The following TMEM67 variants were observed in gnomAD, a reference collection of about 807,000 sequenced individuals.
TMEM67 encodes the protein meckelin.
In TMEM67, 124 loss-of-function variants were observed where a neutral mutation model predicts 136.6. The ratio of observed to expected loss-of-function variants is 0.91; its 90% CI spans 0.78 to 1.05. TMEM67 has a LOEUF of 1.05. TMEM67 is among the 50% of genes least tolerant of loss of function. The pLI is 0.00. For synonymous variants in TMEM67, 364 were observed against 390.5 expected, an observed-to-expected ratio of 0.93 and a Z score of 0.80; for missense variants, 1,107 against 1,178.4, an observed-to-expected ratio of 0.94 and a Z score of 0.89.
chr8:93,793,284 G>T lies in TMEM67; in HGVS notation c.1662G>T (p.Met554Ile), dbSNP rs184632089. Residue 554 changes from methionine to isoleucine, a missense_variant, in exon 16 of 28, where the codon ATG becomes ATT. By Grantham distance (10) the Met-to-Ile change is conservative. Around this residue, in one of 3 missense-constraint regions of TMEM67, gnomAD observed 925 missense variants for 1,002.4 expected, o/e 0.92. Coordinates refer to ENST00000453321, the MANE Select transcript of TMEM67 (RefSeq NM_153704.6). ...AGWKRRIGSP[M>I]IDLQTVVKFL... is the part of the protein sequence containing the mutation. ...GGAAGAGGCGCATTGGGAGTCCCAT[G>T]ATTGATTTACAGGTATAATCTCAGG... 2 of 1,613,486 alleles carry T rather than the reference G, an allele frequency of 1.2e-6. No homozygotes were observed. The highest frequency in any genetic ancestry group is 1.7e-5 in the Admixed American group (1 of 60,024).
intron 16 of TMEM67, chr8:93,795,186 A>C (rs2130726363): frequency 1.7e-6 from 1 of 591,176 alleles, no homozygotes; most frequent in South Asian, 2.1e-5. Context: ...AGATGAGAAG[A>C]GTTGAAAGAA....
chr8:93,798,176 G>GT lies in TMEM67; in HGVS notation c.2100+709dup, dbSNP rs576721237. 8.3e-4 allele frequency among the ~76,000 whole-genome samples: 126 copies of GT among 152,268 alleles called. No homozygotes were observed. In the South Asian group the frequency reaches 8.7e-3, roughly 11 times the overall value. On this transcript the variant is annotated intron_variant, in intron 20 of 27. Coordinates refer to ENST00000453321, the MANE Select transcript of TMEM67 (RefSeq NM_153704.6). ...TCTATAATACTTTCTGTCTCTGTGT[G>GT]TTTGACTGCTCTAGGTGTAAGGAGT...
chr8:93,816,662 G>A lies in TMEM67; in HGVS notation c.*210G>A. 2.8e-6 allele frequency: 1 copy of A among 359,384 alleles called. No homozygotes were observed. The highest frequency in any genetic ancestry group is 4.5e-5 in the East Asian group (1 of 22,242). 22.3% of individuals were successfully genotyped at this position (359,384 alleles called of 1,614,324 possible). A position where few individuals can be genotyped will look rare whatever the true frequency, so the allele number is the denominator to read the frequency against. ...TTTCCCATTGTGTGTAGTATTTAAT[G>A]CAGTAAATAATAAATTAATACTGAC... On this transcript the variant is annotated 3_prime_UTR_variant, in exon 28 of 28. Coordinates refer to ENST00000453321, the MANE Select transcript of TMEM67 (RefSeq NM_153704.6).
At chr8:93,763,341 C>A (rs867729208) in intron 3 of TMEM67, among the ~76,000 whole-genome samples, 2 of 152,228 alleles carry the variant, frequency 1.3e-5, no homozygotes, top group Middle Eastern at 6.8e-3. Context: ...CAGTGAATAT[C>A]CTTATATACA....
At position 93,787,966 on chromosome 8, in the gene TMEM67, T is replaced by C. The variant is rs770719517; in HGVS notation, c.1518+17T>C. ...TCTGTGAAGGTGAGTTCCTGACTTA[T>C]TAGTGCCCTTGTATGTATAAATAGA... On this transcript the variant is annotated intron_variant, in intron 14 of 27. Transcript: ENST00000453321. The C allele has an allele frequency of 1.9e-6, 3 of 1,554,392 alleles. No homozygotes were observed. The highest frequency in any genetic ancestry group is 2.7e-5 in the African/African-American group (2 of 73,704).
intron 6 of TMEM67, among the ~76,000 whole-genome samples, chr8:93,768,888 TC>T (rs1236441574): frequency 6.6e-6 from 1 of 152,030 alleles, no homozygotes; most frequent in African/African-American, 2.4e-5. Context: ...GAGGAACTGT[TC>T]CATCCTTAAT....
Position 93,809,113 on chromosome 8 carries a change from A to G in TMEM67, c.2613A>G (p.Ile871Met), listed in dbSNP as rs1158094153. The change falls in exon 25 of 28, where the codon ATA becomes ATG. Residue 871 changes from isoleucine to methionine, a missense_variant. Coordinates refer to ENST00000453321, the MANE Select transcript of TMEM67 (RefSeq NM_153704.6). ...SSSASTFEQS[I>M]KAYHMMNKFL... Reference sequence around the variant, plus strand: ...CAGCAAGTACTTTTGAGCAGAGTATAAAAGCATATCATATGATGAATAAAT... The same window carrying G: ...CAGCAAGTACTTTTGAGCAGAGTATGAAAGCATATCATATGATGAATAAAT... 4.3e-6 allele frequency: 7 copies of G among 1,610,536 alleles called. No individual in the cohort carries two copies. Among genetic ancestry groups the G allele is most frequent in the Non-Finnish European group, 5.1e-6 (6 of 1,177,302 alleles).
intron 7 of TMEM67, 41 bp downstream of exon 7, chr8:93,772,692 A>G (rs1378031573): frequency 2.7e-6 from 4 of 1,458,494 alleles, no homozygotes; most frequent in Non-Finnish European, 2.9e-6. Context: ...TTTATTTTGA[A>G]GAATTATACC....
intron 23 of TMEM67, among the ~76,000 whole-genome samples, chr8:93,805,262 C>T (rs1343408936): frequency 5.9e-5 from 9 of 152,016 alleles, no homozygotes; most frequent in African/African-American, 1.9e-4. Context: ...TGAGTCACCG[C>T]GCACCTGGCC....
At chr8:93,755,697 T>C (rs1045755642) in intron 1 of TMEM67, 81 bp from the exon 2 acceptor site, 3 of 935,508 alleles carry the variant, frequency 3.2e-6, no homozygotes, top group Non-Finnish European at 3.3e-6. Flanking sequence ...TTCAGACTTA[T>C]TAAAAGTTTC....
In TMEM67 at chr8:93,785,283, A is replaced by T; in HGVS notation, c.1193A>T (p.Tyr398Phe). ...CCCACTCCTATATTTTATGATGTGT[A>T]CCTTGAATATACTGATGAAAATCAA... ...DFPTPIFYDV[Y>F]LEYTDENQHQ... The change falls in exon 12 of 28, where the codon TAC becomes TTC. Residue 398 changes from tyrosine (Y) to phenylalanine (F), a missense_variant. This residue lies in a region of TMEM67 where 925 missense variants were observed against 1,002.4 expected (regional missense o/e 0.92). Coordinates refer to ENST00000453321, the MANE Select transcript of TMEM67 (RefSeq NM_153704.6). The T allele has an allele frequency of 6.2e-7, 1 of 1,603,504 alleles. No homozygotes were observed. The highest frequency in any genetic ancestry group is 8.5e-7 in the Non-Finnish European group (1 of 1,170,846).
intron 27 of TMEM67, 72 bp from the exon 28 acceptor site, chr8:93,816,300 G>C: frequency 7.0e-6 from 5 of 710,790 alleles, no homozygotes; most frequent in Non-Finnish European, 1.2e-5. Context: ...ATTTAATCTA[G>C]ATATTTTAAT....
intron 4 of TMEM67, among the ~76,000 whole-genome samples, chr8:93,764,602 ACAT>A (rs1453051709): frequency 6.6e-6 from 1 of 152,180 alleles, no homozygotes; most frequent in Non-Finnish European, 1.5e-5. Context: ...TTAGAGGCCT[ACAT>A]CATGACTTCC....
chr8:93,771,094 C>T (rs1268344958), intron 6 of TMEM67, among the ~76,000 whole-genome samples: 5 of 152,046 alleles, frequency 3.3e-5, no homozygotes, highest in South Asian at 4.1e-4. Flanking sequence ...GTGATTAATA[C>T]GTTAGTCTGA....
At chr8:93,769,050 G>C in intron 6 of TMEM67, among the ~76,000 whole-genome samples, 1 of 152,044 alleles carries the variant, frequency 6.6e-6, no homozygotes, top group East Asian at 1.9e-4. Flanking sequence ...CGTGACCAGA[G>C]GATGGGGCAC....
intron 3 of TMEM67, chr8:93,759,747 C>G (rs940700192): frequency 7.4e-6 from 2 of 271,230 alleles, no homozygotes; most frequent in Middle Eastern, 1.1e-3. Context: ...CTCTCAGGTT[C>G]AAGCGATTCT....
intron 7 of TMEM67, among the ~76,000 whole-genome samples, chr8:93,774,088 C>A (rs1203375968): frequency 1.3e-5 from 2 of 151,794 alleles, no homozygotes; most frequent in Non-Finnish European, 2.9e-5. Flanking sequence ...AATCTCGACT[C>A]ACTGCAACCT....
At chr8:93,813,508 T>C (rs1036948873) in intron 26 of TMEM67, among the ~76,000 whole-genome samples, 1 of 152,132 alleles carries the variant, frequency 6.6e-6, no homozygotes, top group Non-Finnish European at 1.5e-5. Flanking sequence ...CAAGAGATGA[T>C]GAGACTATGA....
At chr8:93,773,789 C>G (rs1360486875) in intron 7 of TMEM67, among the ~76,000 whole-genome samples, 1 of 152,088 alleles carries the variant, frequency 6.6e-6, no homozygotes, top group Non-Finnish European at 1.5e-5. Context: ...ATCTAACATA[C>G]AAATTATTGT....
Sources: allele counts gnomAD v4.1 joint callset (sites outside exome capture counted in the v4.1 genomes callset), GRCh38; gene constraint gnomAD v4.1.1; regional missense constraint gnomAD v4.1.1; transcripts MANE v1.5; gene names NCBI Gene and HGNC (gene_info 2026-07-23, HGNC 2026-07-21).